The following SLCO1C1 variants were observed in gnomAD, a reference collection of about 807,000 sequenced individuals.
SLCO1C1 encodes the protein OAT-RP-5.
Under a neutral mutation model 76.4 loss-of-function variants are expected in SLCO1C1, and 70 were observed. That is an observed-to-expected ratio of 0.92 (90% CI 0.76 to 1.12). The LOEUF is 1.12. SLCO1C1 is among the 50% of genes most tolerant of loss of function. The pLI is 0.00. For missense variants in SLCO1C1, 912 were observed against 823.8 expected, an observed-to-expected ratio of 1.11 and a Z score of -1.31; for synonymous variants, 306 against 286.1, an observed-to-expected ratio of 1.07 and a Z score of -0.70.
At chr12:20,749,627 T>C (rs1166025073) in intron 13 of SLCO1C1, among the ~76,000 whole-genome samples, 1 of 152,206 alleles carries the variant, frequency 6.6e-6, no homozygotes, top group Non-Finnish European at 1.5e-5. Flanking sequence ...TAAGATACTT[T>C]CGTTAATATT....
At chr12:20,730,815 C>T (rs946996805) in intron 9 of SLCO1C1, among the ~76,000 whole-genome samples, 6 of 152,212 alleles carry the variant, frequency 3.9e-5, no homozygotes, top group African/African-American at 1.2e-4. Context: ...AAATATTTTG[C>T]GGGGGTCTGT....
At chr12:20,715,639 A>C (rs56286759) in intron 6 of SLCO1C1, among the ~76,000 whole-genome samples, 1 of 152,280 alleles carries the variant, frequency 6.6e-6, no homozygotes, top group African/African-American at 2.4e-5. Context: ...TTTATTTAAA[A>C]GTTTGTTCCT....
At chr12:20,734,029 C>A (rs1357855965) in intron 10 of SLCO1C1, among the ~76,000 whole-genome samples, 3 of 152,132 alleles carry the variant, frequency 2.0e-5, no homozygotes, top group Non-Finnish European at 4.4e-5. Flanking sequence ...ATCTGCCTGG[C>A]CACCTGAAAC....
chr12:20,702,889 A>G (rs1946588852), intron 3 of SLCO1C1, among the ~76,000 whole-genome samples: 1 of 151,912 alleles, frequency 6.6e-6, no homozygotes, highest in African/African-American at 2.4e-5. Flanking sequence ...GAAGAGGCAT[A>G]GAAATGATTT....
At chr12:20,733,198 A>T in intron 10 of SLCO1C1, 94 bp downstream of exon 10, 6 of 1,201,854 alleles carry the variant, frequency 5.0e-6, no homozygotes, top group Non-Finnish European at 6.9e-6. Context: ...ATTTTTAAAC[A>T]TCATAACTAT....
At chr12:20,717,669 T>C (rs1947442972) in intron 7 of SLCO1C1, among the ~76,000 whole-genome samples, 2 of 88,608 alleles carry the variant, frequency 2.3e-5, no homozygotes, top group African/African-American at 9.2e-5. Context: ...TTTTTTTTTT[T>C]TTTTTTTTTT....
intron 10 of SLCO1C1, among the ~76,000 whole-genome samples, chr12:20,735,039 C>A (rs1220907257): frequency 3.9e-5 from 6 of 152,166 alleles, no homozygotes; most frequent in African/African-American, 1.4e-4. Flanking sequence ...TTCTAAATTA[C>A]AAATCTACTG....
chr12:20,715,408 A>G (rs1414854013), intron 6 of SLCO1C1, 123 bp downstream of exon 6: 1 of 1,090,840 alleles, frequency 9.2e-7, no homozygotes, highest in Non-Finnish European at 1.3e-6. Context: ...TCCTTTATTT[A>G]GCTCACACAT....
chr12:20,728,390 T>C (rs953711063), intron 9 of SLCO1C1, among the ~76,000 whole-genome samples: 2 of 152,088 alleles, frequency 1.3e-5, no homozygotes, highest in Non-Finnish European at 2.9e-5. Flanking sequence ...AATGATCTTA[T>C]CTTTTCCTTC....
Position 20,752,557 on chromosome 12 carries a change from T to C in SLCO1C1, c.*29T>C, listed in dbSNP as rs1949363767. The C allele has an allele frequency of 6.6e-7, 1 of 1,507,636 alleles. No individual in the cohort carries two copies. The highest frequency in any genetic ancestry group is 1.4e-5 in the African/African-American group (1 of 71,542). 93.4% of individuals were successfully genotyped at this position (1,507,636 alleles called of 1,614,324 possible). A position where few individuals can be genotyped will look rare whatever the true frequency, so the allele number is the denominator to read the frequency against. ...CATGATGACTGGAAGTCATGTCTTC[T>C]AATTGGTTGACATTTTGCAAACAAA... is the stretch of plus-strand genomic sequence containing the variant. On this transcript the variant is annotated 3_prime_UTR_variant, in exon 15 of 15. Transcript: ENST00000266509.
Position 20,752,445 on chromosome 12 carries a change from A to G in SLCO1C1, c.2056A>G (p.Thr686Ala), listed in dbSNP as rs754593074. ...CAAGAGAGAAAGAACAATGGTGTCT[A>G]CAAGATTCCAAAAGGAAAATTACAC... Reference protein sequence around the residue: ...ITKRERTMVSTRFQKENYTTS... With the variant: ...ITKRERTMVSARFQKENYTTS... Residue 686 changes from threonine (T) to alanine (A), a missense_variant, in exon 15 of 15, where the codon ACA becomes GCA. Transcript: ENST00000266509. 44 of 1,613,452 alleles carry G rather than the reference A, an allele frequency of 2.7e-5. No individual in the cohort carries two copies. Among genetic ancestry groups the G allele is most frequent in the Non-Finnish European group, 3.6e-5 (42 of 1,179,670 alleles).
rs1052280695 is a variant in SLCO1C1 at position 20,743,501 on chromosome 12, C to T, written c.1798+132C>T. On this transcript the variant is annotated intron_variant, in intron 13 of 14. Transcript: ENST00000266509. ...GGCAAAGTTCATAGTCTTTTTTATT[C>T]CTTTCTTCATTTCTTTGTTCCCTTC... 43 of 588,884 alleles carry T rather than the reference C, an allele frequency of 7.3e-5. No individual in the cohort carries two copies. In the African/African-American group the frequency reaches 7.6e-4, roughly 10 times the overall value. 36.5% of individuals were successfully genotyped at this position (588,884 alleles called of 1,614,324 possible). A position where few individuals can be genotyped will look rare whatever the true frequency, so the allele number is the denominator to read the frequency against.
chr12:20,723,573 G>C (rs2120763909), intron 9 of SLCO1C1, among the ~76,000 whole-genome samples: 1 of 152,108 alleles, frequency 6.6e-6, no homozygotes, highest in South Asian at 2.1e-4. Flanking sequence ...ACAGTTTCTA[G>C]GATTATATAA....
intron 5 of SLCO1C1, among the ~76,000 whole-genome samples, chr12:20,712,308 A>C (rs908884598): frequency 3.9e-5 from 6 of 152,158 alleles, no homozygotes; most frequent in Non-Finnish European, 7.4e-5. Flanking sequence ...TCTCTTCTAT[A>C]TCACTGTAGA....
At chr12:20,727,711 G>A (rs562319483) in intron 9 of SLCO1C1, among the ~76,000 whole-genome samples, 4 of 152,176 alleles carry the variant, frequency 2.6e-5, no homozygotes, top group Admixed American at 2.0e-4. Flanking sequence ...GGGTTTCACT[G>A]TGTTAGCCAG....
chr12:20,705,395 G>A (rs1946724047), intron 3 of SLCO1C1, among the ~76,000 whole-genome samples: 1 of 151,874 alleles, frequency 6.6e-6, no homozygotes, highest in Non-Finnish European at 1.5e-5. Flanking sequence ...TCTATTTTGA[G>A]TCTTAATCTT....
rs1484036378 is a variant in SLCO1C1, at chr12:20,753,196, A to T, written c.*668A>T. 1.3e-5 allele frequency: 2 copies of T among 152,236 alleles called. No individual in the cohort carries two copies. The highest frequency in any genetic ancestry group is 2.9e-5 in the Non-Finnish European group (2 of 68,038). 9.4% of individuals were successfully genotyped at this position (152,236 alleles called of 1,614,324 possible). On this transcript the variant is annotated 3_prime_UTR_variant, in exon 15 of 15. Coordinates refer to ENST00000266509, the MANE Select transcript of SLCO1C1 (RefSeq NM_017435.5). ...TAAGTGACTATGGTTGTAAAGTAAT[A>T]AAATTGATGTTAACATGCCCAATTA... is the stretch of plus-strand genomic sequence containing the variant.
At chr12:20,714,176 A>T (rs773045204) in intron 5 of SLCO1C1, among the ~76,000 whole-genome samples, 4 of 152,144 alleles carry the variant, frequency 2.6e-5, no homozygotes, top group Non-Finnish European at 5.9e-5. Context: ...TCTTCACATA[A>T]TCTATTCTTC....
chr12:20,727,603 G>A (rs1376290875), intron 9 of SLCO1C1, among the ~76,000 whole-genome samples: 4 of 152,278 alleles, frequency 2.6e-5, no homozygotes, highest in African/African-American at 9.6e-5. Context: ...TCCGCCTCGC[G>A]GGTTCACGCC....
Sources: gnomAD v4.1 joint callset for allele counts (sites outside exome capture counted in the v4.1 genomes callset) on GRCh38, gnomAD v4.1.1 for gene constraint, MANE v1.5 for transcripts, NCBI Gene and HGNC (gene_info 2026-07-23, HGNC 2026-07-21) for gene names.